Variants in TBC1D22A observed in about 807,000 individuals in gnomAD.
TBC1D22A encodes TBC1 domain family member 22A, also known as putative GTPase activator.
In TBC1D22A, 38 loss-of-function variants were observed where a neutral mutation model predicts 60.2. The ratio of observed to expected loss-of-function variants is 0.63; its 90% confidence interval spans 0.49 to 0.83. TBC1D22A has a LOEUF of 0.83. Ranked by LOEUF, TBC1D22A falls within the 40% of genes least tolerant of loss-of-function variation. The probability of loss-of-function intolerance (pLI) is 0.00; values close to 1 mark genes in which losing one functional copy is unlikely to be tolerated. For missense variants in TBC1D22A, 628 were observed against 701.0 expected, an observed-to-expected ratio of 0.90 and a Z score of 1.18; for synonymous variants, 302 against 281.7, an observed-to-expected ratio of 1.07 and a Z score of -0.72.
intron 12 of TBC1D22A, among the ~76,000 whole-genome samples, chr22:47,121,468 C>CA (rs35427658): frequency 6.6e-6 from 1 of 152,228 alleles, no homozygotes; most frequent in East Asian, 1.9e-4. Flanking sequence ...TCATAACTAC[C>CA]AAAAATTACA....
At position 46,955,403 on chromosome 22, in the gene TBC1D22A, C is replaced by T. The variant is rs189025421; in HGVS notation, c.1016-18887C>T. ...GTTTATGTAAAAAGGCAGCTTCACA[C>T]TGGAAGGATTTGCTGTGATTGGCAG... On this transcript the variant is annotated intron_variant, in intron 8 of 12. Coordinates refer to ENST00000337137, the MANE Select transcript of TBC1D22A (RefSeq NM_014346.5). 1.9e-3 allele frequency among the ~76,000 whole-genome samples: 284 copies of T among 152,310 alleles called. 2 individuals carry two copies. The highest frequency in any genetic ancestry group is 6.6e-3 in the African/African-American group (273 of 41,558).
At chr22:47,066,460 A>T (rs932297343) in intron 11 of TBC1D22A, among the ~76,000 whole-genome samples, 1 of 152,196 alleles carries the variant, frequency 6.6e-6, no homozygotes, top group Non-Finnish European at 1.5e-5. Flanking sequence ...TGCACAGTAT[A>T]TCATGGCTCA....
intron 10 of TBC1D22A, among the ~76,000 whole-genome samples, chr22:47,005,650 A>C (rs1326486611): frequency 2.6e-5 from 4 of 151,032 alleles, no homozygotes; most frequent in Admixed American, 1.3e-4. Flanking sequence ...ACACACACAC[A>C]CACCCACACA....
chr22:46,780,451 A>T (rs79161719), intron 1 of TBC1D22A, among the ~76,000 whole-genome samples: 1 of 151,878 alleles, frequency 6.6e-6, no homozygotes, highest in Non-Finnish European at 1.5e-5. Flanking sequence ...AAAAAAAAAA[A>T]GCTGTTCTGA....
rs537056697 is a variant in TBC1D22A, at chr22:46,779,300, C to T, written c.63-13220C>T. Among the ~76,000 whole-genome samples the T allele has an allele frequency of 1.6e-4, 25 of 152,270 alleles. No homozygotes were observed. The South Asian group carries it at 5.0e-3, about 30-fold the overall frequency. On this transcript the variant is annotated intron_variant, in intron 1 of 12. Transcript: ENST00000337137. ...TCAACTGCATTATAGTCTTACAGGA[C>T]CATGGTCCTATATGTGGTCTGTTGT...
At chr22:47,074,069 C>G (rs1343793674) in intron 11 of TBC1D22A, among the ~76,000 whole-genome samples, 2 of 152,230 alleles carry the variant, frequency 1.3e-5, no homozygotes, top group African/African-American at 4.8e-5. Context: ...GATCGCACCA[C>G]TGTACTCTAG....
At chr22:47,099,742 G>A (rs2065334454) in intron 11 of TBC1D22A, among the ~76,000 whole-genome samples, 1 of 152,158 alleles carries the variant, frequency 6.6e-6, no homozygotes, top group African/African-American at 2.4e-5. Flanking sequence ...ACCGCACCTG[G>A]CCTCGTCCCT....
intron 12 of TBC1D22A, among the ~76,000 whole-genome samples, chr22:47,170,994 G>A (rs1221734007): frequency 1.3e-5 from 2 of 152,226 alleles, no homozygotes; most frequent in South Asian, 2.1e-4. Context: ...TGAGGGTGGG[G>A]CAACATGCAG....
rs903389238 is a variant in TBC1D22A at position 47,172,486 on chromosome 22, C to T, written c.1426-1012C>T. ...CACACTGAACGACTTATAATTGTTG[C>T]TTATTCCCTATAGTTCCCTATTTTC... On this transcript the variant is annotated intron_variant, in intron 12 of 12. Coordinates refer to ENST00000337137, the MANE Select transcript of TBC1D22A (RefSeq NM_014346.5). 3.3e-5 allele frequency among the ~76,000 whole-genome samples: 5 copies of T among 152,284 alleles called. No homozygotes were observed. The East Asian group carries it at 5.8e-4, about 18-fold the overall frequency.
chr22:46,792,093 T>G (rs539295318), intron 1 of TBC1D22A, among the ~76,000 whole-genome samples: 1 of 152,362 alleles, frequency 6.6e-6, no homozygotes, highest in South Asian at 2.1e-4. Flanking sequence ...TATTTATCTT[T>G]TGCAATTCTG....
At chr22:46,835,048 T>C (rs547886528) in intron 4 of TBC1D22A, among the ~76,000 whole-genome samples, 1 of 152,216 alleles carries the variant, frequency 6.6e-6, no homozygotes, top group African/African-American at 2.4e-5. Flanking sequence ...TACCCCCAAA[T>C]AGGGAACAAG....
At position 47,039,704 on chromosome 22, in the gene TBC1D22A, GAAAAAAAAAA is replaced by G. The variant is rs34793078; in HGVS notation, c.1329+2520_1329+2529del. ...TCCCTCATGGATGCGTGCATTTCAG[GAAAAAAAAAA>G]AAAAAAAAAAAAAGAAATACCTGGG... On this transcript the variant is annotated intron_variant, in intron 11 of 12. Transcript: ENST00000337137. Among the ~76,000 whole-genome samples, 5 of 81,458 alleles carry G rather than the reference GAAAAAAAAAA, an allele frequency of 6.1e-5. No homozygotes were observed. The Admixed American group carries it at 6.4e-4, about 10-fold the overall frequency. 53.4% of individuals were successfully genotyped at this position (81,458 alleles called of 152,430 possible). A position where few individuals can be genotyped will look rare whatever the true frequency, so the allele number is the denominator to read the frequency against.
At chr22:47,058,513 C>T (rs550413303) in intron 11 of TBC1D22A, among the ~76,000 whole-genome samples, 1 of 152,240 alleles carries the variant, frequency 6.6e-6, no homozygotes, top group East Asian at 1.9e-4. Context: ...TCCTTCCCCT[C>T]ACCTTAGCTC....
chr22:47,006,622 G>T lies in TBC1D22A; in HGVS notation c.1201+8913G>T, dbSNP rs1442055921. On this transcript the variant is annotated intron_variant, in intron 10 of 12. Transcript: ENST00000337137. ...TTGATCTGACCCTGTAGGAGCTGCT[G>T]ACTTCTGCCTTTCAGCTCCTTAATC... Among the ~76,000 whole-genome samples, 7 of 152,346 alleles carry T rather than the reference G, an allele frequency of 4.6e-5. No homozygotes were observed. The East Asian group carries it at 1.3e-3, about 29-fold the overall frequency.
At chr22:46,949,196 C>G (rs1327186546) in intron 8 of TBC1D22A, among the ~76,000 whole-genome samples, 1 of 152,182 alleles carries the variant, frequency 6.6e-6, no homozygotes, top group Non-Finnish European at 1.5e-5. Context: ...ACCTGACCCT[C>G]AAAGAAGACG....
intron 8 of TBC1D22A, among the ~76,000 whole-genome samples, chr22:46,948,206 A>ATTT (rs2072671622): frequency 1.3e-5 from 2 of 152,226 alleles, no homozygotes; most frequent in Non-Finnish European, 1.5e-5. Flanking sequence ...CAAGAAATCA[A>ATTT]AGCCCCTTAA....
intron 8 of TBC1D22A, among the ~76,000 whole-genome samples, chr22:46,920,780 AT>A (rs11312752): frequency 0.78 from 115,905 of 147,964 alleles, 45,619 homozygotes; most frequent in African/African-American, 0.89. Context: ...TTATTTATTC[AT>A]TTTTTTTTTT....
chr22:47,032,228 C>T (rs889623565), intron 10 of TBC1D22A, among the ~76,000 whole-genome samples: 2 of 152,182 alleles, frequency 1.3e-5, no homozygotes, highest in Admixed American at 6.5e-5. Context: ...TCCATGGCAG[C>T]GGCTGCCCTG....
chr22:46,773,480 T>C (rs975944363), intron 1 of TBC1D22A, among the ~76,000 whole-genome samples: 2 of 152,126 alleles, frequency 1.3e-5, no homozygotes, highest in Non-Finnish European at 2.9e-5. Context: ...TTTATTTTTT[T>C]TGGAGATGGA....
Sources: allele counts gnomAD v4.1 joint callset (sites outside exome capture counted in the v4.1 genomes callset), GRCh38; gene constraint gnomAD v4.1.1; transcripts MANE v1.5; gene names NCBI Gene and HGNC (gene_info 2026-07-23, HGNC 2026-07-21).